Variants in GLUD1 observed in about 807,000 individuals in gnomAD.
The protein encoded by GLUD1 is glutamate dehydrogenase 1.
GLUD1 carries 22 observed loss-of-function variants against 56.0 expected under a neutral mutation model. That is an observed-to-expected ratio of 0.39 (90% CI 0.28 to 0.56). The LOEUF (loss-of-function observed/expected upper bound fraction) is 0.56. Among genes scored for constraint, GLUD1 ranks in the 20% least tolerant of loss-of-function variants. GLUD1 has a pLI of 0.58. For synonymous variants in GLUD1, 223 were observed against 269.9 expected (o/e 0.83, Z 1.70); for missense variants, 451 against 732.0 (o/e 0.62, Z 4.43).
intron 3 of GLUD1, 93 bp downstream of exon 3, chr10:87,075,875 T>C (rs1255297528): frequency 1.6e-5 from 14 of 891,344 alleles, no homozygotes; most frequent in South Asian, 2.6e-5. Context: ...GATTGCGCCA[T>C]TGTACTCCGG....
intron 4 of GLUD1, among the ~76,000 whole-genome samples, chr10:87,072,023 A>G (rs1846252558): frequency 6.6e-6 from 1 of 152,234 alleles, no homozygotes; most frequent in African/African-American, 2.4e-5. Flanking sequence ...CTATAATCCC[A>G]GAATTTTGGG....
chr10:87,071,956 A>G (rs1846250420), intron 4 of GLUD1, among the ~76,000 whole-genome samples: 1 of 152,208 alleles, frequency 6.6e-6, no homozygotes, highest in South Asian at 2.1e-4. Flanking sequence ...CATATTCAGC[A>G]TTGGAAGGCT....
intron 4 of GLUD1, among the ~76,000 whole-genome samples, chr10:87,073,684 T>A (rs1302456129): frequency 2.0e-5 from 3 of 147,816 alleles, no homozygotes; most frequent in Non-Finnish European, 4.5e-5. Flanking sequence ...AGTGGCGTGA[T>A]CTTGGCTCAC....
intron 1 of GLUD1, among the ~76,000 whole-genome samples, chr10:87,090,531 ATT>A (rs1327214955): frequency 2.0e-5 from 3 of 152,182 alleles, no homozygotes; most frequent in African/African-American, 7.2e-5. Context: ...AAGCGTCTTC[ATT>A]TTCTAGTATA....
chr10:87,068,519 A>C (rs1364196172), intron 4 of GLUD1, among the ~76,000 whole-genome samples: 1 of 152,164 alleles, frequency 6.6e-6, no homozygotes, highest in Non-Finnish European at 1.5e-5. Context: ...TAACAGTACC[A>C]TTGTGTTCTA....
intron 8 of GLUD1, 166 bp downstream of exon 8, chr10:87,060,521 TA>T: frequency 1.1e-6 from 1 of 895,400 alleles, no homozygotes. Context: ...TGCCGGTAGC[TA>T]AAAGCCATTA....
In GLUD1 at chr10:87,060,196, T is replaced by C. The variant is rs765821684; in HGVS notation, c.1243A>G (p.Lys415Glu). Residue 415 changes from lysine (K) to glutamate (E), a missense_variant, in exon 9 of 13, where the codon AAG becomes GAG. Lys to Glu is a moderately conservative substitution (Grantham distance 56). Around this residue, in one of 4 missense-constraint regions of GLUD1, gnomAD observed 248 missense variants for 460.0 expected, o/e 0.54. Coordinates refer to ENST00000277865, the MANE Select transcript of GLUD1 (RefSeq NM_005271.5). Reference protein sequence around the residue: ...ANGPTTPEADKIFLERNIMVI... With the variant: ...ANGPTTPEADEIFLERNIMVI... ...ATAATGTTTCTCTCCAGGAAGATCTTGTCAGCTTCTGGAGTTGTTGGCCCA... is the reference window on the plus strand; with the variant it reads ...ATAATGTTTCTCTCCAGGAAGATCTCGTCAGCTTCTGGAGTTGTTGGCCCA... The C allele has an allele frequency of 1.9e-6, 3 of 1,610,846 alleles. No individual in the cohort carries two copies. Among genetic ancestry groups the C allele is most frequent in the Non-Finnish European group, 2.5e-6 (3 of 1,177,010 alleles).
At position 87,074,314 on chromosome 10, in the gene GLUD1, A is replaced by G. The variant is rs543921096; in HGVS notation, c.646+237T>C. On this transcript the variant is annotated intron_variant, in intron 4 of 12. Transcript: ENST00000277865. ...TCAGGAGTTCAAGCCCAGCCTGACC[A>G]ACATGGCAAAGCCCCATCTCCAGTA... Among the ~76,000 whole-genome samples, 3 of 152,264 alleles carry G rather than the reference A, an allele frequency of 2.0e-5. No individual in the cohort carries two copies. The South Asian group carries it at 6.2e-4, about 32-fold the overall frequency.
intron 4 of GLUD1, among the ~76,000 whole-genome samples, chr10:87,072,258 C>T (rs1028588128): frequency 1.3e-5 from 2 of 152,086 alleles, no homozygotes; most frequent in African/African-American, 4.8e-5. Flanking sequence ...AGGACAAAAC[C>T]TTTTTGGGGA....
intron 10 of GLUD1, among the ~76,000 whole-genome samples, chr10:87,058,369 C>T (rs1845842269): frequency 6.6e-6 from 1 of 152,152 alleles, no homozygotes; most frequent in African/African-American, 2.4e-5. Context: ...TGGAACACTT[C>T]ACCCAGATTC....
intron 1 of GLUD1, among the ~76,000 whole-genome samples, chr10:87,078,496 C>T (rs1402368190): frequency 6.6e-6 from 1 of 152,166 alleles, no homozygotes; most frequent in Non-Finnish European, 1.5e-5. Flanking sequence ...GGCAAGTTAG[C>T]ACCACGAGGG....
chr10:87,090,200 TAAA>T (rs1258380115), intron 1 of GLUD1, among the ~76,000 whole-genome samples: 8 of 152,192 alleles, frequency 5.3e-5, no homozygotes, highest in African/African-American at 1.9e-4. Context: ...CATAAGTAAA[TAAA>T]AACCGATTTT....
rs768745478 is a variant in GLUD1 at position 87,094,669 on chromosome 10, C to G, written c.101G>C (p.Arg34Pro). 1.3e-6 allele frequency: 2 copies of G among 1,558,484 alleles called. No individual in the cohort carries two copies. Among genetic ancestry groups the G allele is most frequent in the African/African-American group, 2.7e-5 (2 of 72,910 alleles). Reference sequence around the variant, plus strand: ...CTGCGGGGCGGCGGCGGGCTGTCCCCGGGCCCAGCCCAGCAACGCGGCCGA... The same window carrying G: ...CTGCGGGGCGGCGGCGGGCTGTCCCGGGGCCCAGCCCAGCAACGCGGCCGA... ...ADSAALLGWA[R>P]GQPAAAPQPG... Residue 34 changes from arginine (R) to proline (P), a missense_variant, in exon 1 of 13, where the codon CGG becomes CCG. Arg to Pro is a moderately radical substitution (Grantham distance 103). Around this residue, in one of 4 missense-constraint regions of GLUD1, gnomAD observed 158 missense variants for 189.7 expected, o/e 0.83. Coordinates refer to ENST00000277865, the MANE Select transcript of GLUD1 (RefSeq NM_005271.5). This position sits in a 1 kb window ranked among gnomAD's most constrained non-coding sequence, Gnocchi z 6.6.
intron 3 of GLUD1, among the ~76,000 whole-genome samples, chr10:87,075,158 T>G (rs1289412426): frequency 2.0e-5 from 3 of 152,300 alleles, no homozygotes; most frequent in Admixed American, 1.3e-4. Flanking sequence ...CAGGCTGGAA[T>G]GCAGTGGTGA....
chr10:87,069,463 C>G (rs1846164969), intron 4 of GLUD1, among the ~76,000 whole-genome samples: 1 of 146,696 alleles, frequency 6.8e-6, no homozygotes, highest in Non-Finnish European at 1.5e-5. Context: ...TGCAGTGAGC[C>G]AAGATCGCGC....
At chr10:87,092,139 G>T (rs573105862) in intron 1 of GLUD1, among the ~76,000 whole-genome samples, 1 of 152,324 alleles carries the variant, frequency 6.6e-6, no homozygotes, top group South Asian at 2.1e-4. Context: ...TAAATGGGTA[G>T]ATAGATCTGG....
Position 87,051,756 on chromosome 10 carries a change from T to A in GLUD1, c.1672A>T (p.Thr558Ser), listed in dbSNP as rs1371995715. 6.2e-7 allele frequency: 1 copy of A among 1,612,528 alleles called. No homozygotes were observed. Among genetic ancestry groups the A allele is most frequent in the East Asian group, 2.2e-5 (1 of 44,886 alleles). ...KVYNEAGVTF[T>S] Reference sequence around the variant, plus strand: ...GGAAGTCAGCCATGATCCATCTATGTGAAGGTCACACCAGCTTCATTGTAC... The same window carrying A: ...GGAAGTCAGCCATGATCCATCTATGAGAAGGTCACACCAGCTTCATTGTAC... The change falls in exon 13 of 13, where the codon ACA becomes TCA. Residue 558 changes from threonine (T) to serine (S), a missense_variant. By Grantham distance (58) the Thr-to-Ser change is moderately conservative. Around this residue, in one of 4 missense-constraint regions of GLUD1, gnomAD observed 43 missense variants for 61.6 expected, o/e 0.70. Transcript: ENST00000277865.
intron 1 of GLUD1, among the ~76,000 whole-genome samples, chr10:87,084,311 A>G (rs1485186304): frequency 1.3e-5 from 2 of 152,256 alleles, no homozygotes; most frequent in East Asian, 1.9e-4. Flanking sequence ...GACATCTGCA[A>G]CTATATACAG....
At chr10:87,093,044 T>C (rs1321277534) in intron 1 of GLUD1, among the ~76,000 whole-genome samples, 1 of 152,200 alleles carries the variant, frequency 6.6e-6, no homozygotes, top group East Asian at 1.9e-4. Context: ...AGGGGATAAT[T>C]AAGCTCCAAA....
Sources: gnomAD v4.1 joint callset for allele counts (sites outside exome capture counted in the v4.1 genomes callset) on GRCh38, gnomAD v4.1.1 for gene constraint, gnomAD v4.1.1 regional missense constraint, Gnocchi (gnomAD v3.1) non-coding constraint, MANE v1.5 for transcripts, NCBI Gene and HGNC (gene_info 2026-07-23, HGNC 2026-07-21) for gene names.